The following CHM variants were observed in gnomAD, a reference collection of about 807,000 sequenced individuals.
CHM encodes rab proteins geranylgeranyltransferase component A 1.
In CHM, 10 loss-of-function variants were observed where a neutral mutation model predicts 49.0. The observed-to-expected ratio is 0.20, with a 90% CI of 0.13 to 0.35. The LOEUF (loss-of-function observed/expected upper bound fraction) is 0.35. Among genes scored for constraint, CHM ranks in the 10% least tolerant of loss-of-function variants. The pLI, the probability that CHM is intolerant of heterozygous loss-of-function variation, is 1.00. For missense variants in CHM, 455 were observed against 478.4 expected (o/e 0.95, Z 0.46); for synonymous variants, 184 against 167.5 (o/e 1.10, Z -0.76).
intron 8 of CHM, among the ~76,000 whole-genome samples, chrX:85,934,622 T>C: frequency 9.1e-6 from 1 of 110,152 alleles, no homozygotes; most frequent in Non-Finnish European, 1.9e-5. Flanking sequence ...ACTCATCCTT[T>C]TTTATGGCTG....
chrX:86,006,276 G>A (rs143608536), intron 2 of CHM, among the ~76,000 whole-genome samples: 1 of 111,321 alleles, frequency 9.0e-6, no homozygotes, highest in Non-Finnish European at 1.9e-5. Flanking sequence ...AATAATAAGA[G>A]CTATTTATGA....
At chrX:86,017,870 C>G (rs1320095475) in intron 2 of CHM, among the ~76,000 whole-genome samples, 2 of 111,811 alleles carry the variant, frequency 1.8e-5, no homozygotes, top group African/African-American at 6.5e-5. Context: ...ATTGGAATTG[C>G]AAGGAAAAAT....
At chrX:85,999,262 TTATTA>T (rs1932588515) in intron 2 of CHM, among the ~76,000 whole-genome samples, 1 of 111,588 alleles carries the variant, frequency 9.0e-6, no homozygotes, top group Non-Finnish European at 1.9e-5. Context: ...AATAATATGG[TTATTA>T]TATAAGATTT....
At chrX:85,973,328 A>AAAAG (rs1569233634) in intron 4 of CHM, among the ~76,000 whole-genome samples, 50 of 101,511 alleles carry the variant, frequency 4.9e-4, no homozygotes, top group Non-Finnish European at 4.6e-4. Context: ...AAAAAAAAAA[A>AAAAG]AAAGAAAGAA....
At chrX:85,914,418 T>A (rs1334151757) in intron 8 of CHM, among the ~76,000 whole-genome samples, 2 of 110,768 alleles carry the variant, frequency 1.8e-5, no homozygotes, top group Non-Finnish European at 3.8e-5. Context: ...CCTGACAAAA[T>A]CCTTGCCAGA....
intron 8 of CHM, among the ~76,000 whole-genome samples, chrX:85,947,623 T>C (rs1168930340): frequency 9.0e-6 from 1 of 111,672 alleles, no homozygotes; most frequent in African/African-American, 3.3e-5. Context: ...TATTTCTTTA[T>C]AGAAATGCAA....
chrX:85,936,652 G>A (rs1928798261), intron 8 of CHM, among the ~76,000 whole-genome samples: 1 of 112,014 alleles, frequency 8.9e-6, no homozygotes, highest in African/African-American at 3.2e-5. Context: ...CAAAGTAGAA[G>A]GTAAACTGAT....
chrX:85,960,542 G>A (rs7879010), intron 5 of CHM, among the ~76,000 whole-genome samples: 221 of 110,258 alleles, frequency 2.0e-3, no homozygotes, highest in African/African-American at 7.0e-3. Context: ...TCCTGCCTCA[G>A]CCTCCCGAGT....
At chrX:86,005,720 T>G (rs1206027519) in intron 2 of CHM, among the ~76,000 whole-genome samples, 5 of 111,207 alleles carry the variant, frequency 4.5e-5, no homozygotes, top group Non-Finnish European at 9.4e-5. Context: ...CGGGAAGAAG[T>G]TGAATCTCTG....
chrX:85,905,181 T>C (rs1926515920), intron 9 of CHM, among the ~76,000 whole-genome samples: 1 of 111,443 alleles, frequency 9.0e-6, no homozygotes, highest in Non-Finnish European at 1.9e-5. Context: ...TGTCAGGCAA[T>C]GGCATAATCA....
intron 14 of CHM, among the ~76,000 whole-genome samples, chrX:85,872,006 T>C (rs750566016): frequency 8.9e-6 from 1 of 112,032 alleles, no homozygotes; most frequent in Admixed American, 9.5e-5. Flanking sequence ...AGATGTGACT[T>C]CCTATTTTTG....
At chrX:85,928,610 C>G (rs5967649) in intron 8 of CHM, among the ~76,000 whole-genome samples, 1 of 111,622 alleles carries the variant, frequency 9.0e-6, no homozygotes, top group South Asian at 3.7e-4. Context: ...AAACTGAAAA[C>G]ATAAAAGAAT....
chrX:86,004,859 CAGA>C (rs1292568822), intron 2 of CHM, among the ~76,000 whole-genome samples: 1 of 111,649 alleles, frequency 9.0e-6, no homozygotes, highest in East Asian at 2.8e-4. Flanking sequence ...ATCAACGAGA[CAGA>C]AGGTTAACAA....
intron 12 of CHM, among the ~76,000 whole-genome samples, chrX:85,891,560 T>C (rs1925460569): frequency 8.9e-6 from 1 of 112,046 alleles, no homozygotes; most frequent in South Asian, 3.7e-4. Flanking sequence ...ACCCTGTGAG[T>C]GCATAGAAGT....
At chrX:85,945,943 T>C (rs546832904) in intron 8 of CHM, among the ~76,000 whole-genome samples, 5 of 112,097 alleles carry the variant, frequency 4.5e-5, no homozygotes, top group African/African-American at 1.6e-4. Flanking sequence ...GCCACCCATG[T>C]TATGCCTAAG....
At chrX:86,046,687 G>A (rs944258658) in intron 1 of CHM, among the ~76,000 whole-genome samples, 1 of 111,745 alleles carries the variant, frequency 8.9e-6, no homozygotes, top group Admixed American at 9.5e-5. Flanking sequence ...GCTGCCATAT[G>A]TGTTCTGCTA....
chrX:86,038,877 AC>A (rs1934345115), intron 1 of CHM, among the ~76,000 whole-genome samples: 1 of 112,443 alleles, frequency 8.9e-6, no homozygotes, highest in East Asian at 2.8e-4. Flanking sequence ...AAATAAAACA[AC>A]TGCCAACCAC....
chrX:85,952,507 G>A (rs1323781775), intron 8 of CHM, among the ~76,000 whole-genome samples: 1 of 111,475 alleles, frequency 9.0e-6, no homozygotes, highest in Non-Finnish European at 1.9e-5. Context: ...ACCCAATCCT[G>A]GCAGGGCTCA....
In CHM at chrX:86,017,713, T is replaced by C. The variant is rs151043171; in HGVS notation, c.116+9778A>G. ...ACAAGGAAACCTAATGTCATTACAT[T>C]AACATCACACAAAATAGTCTTTAAA... On this transcript the variant is annotated intron_variant, in intron 2 of 14. Coordinates refer to ENST00000357749, the MANE Select transcript of CHM (RefSeq NM_000390.4). 8.1e-3 allele frequency among the ~76,000 whole-genome samples: 899 copies of C among 111,133 alleles called. 12 individuals are homozygous for C. The highest frequency in any genetic ancestry group is 0.029 in the African/African-American group (877 of 30,535).
Sources: allele counts gnomAD v4.1 joint callset (sites outside exome capture counted in the v4.1 genomes callset), GRCh38; gene constraint gnomAD v4.1.1; transcripts MANE v1.5; gene names NCBI Gene and HGNC (gene_info 2026-07-23, HGNC 2026-07-21).